The following RANBP2 variants were observed in gnomAD, a reference collection of about 807,000 sequenced individuals.
RANBP2 encodes the protein RAN binding protein 2.
Under a neutral mutation model 303.6 loss-of-function variants are expected in RANBP2, and 57 were observed. That is an observed-to-expected ratio of 0.19 (90% CI 0.15 to 0.23). The LOEUF (loss-of-function observed/expected upper bound fraction) is 0.23. Among genes scored for constraint, RANBP2 ranks in the 10% least tolerant of loss-of-function variants. The pLI, the probability that RANBP2 is intolerant of heterozygous loss-of-function variation, is 1.00. For missense variants in RANBP2, 3,138 were observed against 3,780.8 expected, an observed-to-expected ratio of 0.83 and a Z score of 4.46; for synonymous variants, 1,167 against 1,301.5, an observed-to-expected ratio of 0.90 and a Z score of 2.23.
chr2:109,257,067 G>C, the RANBP2 span, among the ~76,000 whole-genome samples: 27 of 152,250 alleles, frequency 1.8e-4, no homozygotes, highest in Middle Eastern at 3.4e-3. Context: ...GTCATGTAGG[G>C]GCACCGTGTA....
At chr2:109,427,576 G>C in the RANBP2 span, among the ~76,000 whole-genome samples, 4 of 152,172 alleles carry the variant, frequency 2.6e-5, no homozygotes, top group African/African-American at 9.7e-5. Context: ...CACTGGCCCA[G>C]GTTCACACTT....
At chr2:109,235,254 A>G in the RANBP2 span, among the ~76,000 whole-genome samples, 2 of 152,184 alleles carry the variant, frequency 1.3e-5, no homozygotes, top group Non-Finnish European at 2.9e-5. Context: ...TAGTTCTGGG[A>G]GGACTGGTTG....
chr2:108,776,292 T>G (rs569079902), intron 24 of RANBP2, among the ~76,000 whole-genome samples: 1 of 152,306 alleles, frequency 6.6e-6, no homozygotes, highest in East Asian at 1.9e-4. Context: ...TCAAAGTGTT[T>G]TAATTATGAA....
At chr2:109,139,588 GA>G in the RANBP2 span, among the ~76,000 whole-genome samples, 1 of 152,166 alleles carries the variant, frequency 6.6e-6, no homozygotes, top group Non-Finnish European at 1.5e-5. Context: ...GTTCCTTATG[GA>G]ATTGGGAGTG....
the RANBP2 span, among the ~76,000 whole-genome samples, chr2:109,235,847 C>A: frequency 1.3e-5 from 2 of 152,226 alleles, no homozygotes; most frequent in African/African-American, 4.8e-5. Flanking sequence ...ACATGCTTGA[C>A]TGATAAAACC....
chr2:108,767,970 A>C lies in RANBP2; in HGVS notation c.7431A>C (p.Arg2477Ser). The C allele has an allele frequency of 1.2e-6, 2 of 1,611,974 alleles. No individual in the cohort carries two copies. The highest frequency in any genetic ancestry group is 1.7e-6 in the Non-Finnish European group (2 of 1,179,852). Residue 2477 changes from arginine to serine, a missense_variant, in exon 20 of 29, where the codon AGA (arginine) becomes AGC (serine). Transcript: ENST00000283195. Reference sequence around the variant, plus strand: ...TAGCTGTATTAGAAGAAACCACAAGAGAGAGGACAGATGTTATTCAGGGTG... The same window carrying C: ...TAGCTGTATTAGAAGAAACCACAAGCGAGAGGACAGATGTTATTCAGGGTG... Reference protein sequence around the residue: ...IAVAVLEETTRERTDVIQGDD... With the variant: ...IAVAVLEETTSERTDVIQGDD...
the RANBP2 span, among the ~76,000 whole-genome samples, chr2:109,498,957 G>A: frequency 1.1e-4 from 16 of 152,222 alleles, no homozygotes; most frequent in Non-Finnish European, 2.2e-4. Context: ...CAGAGCTGGT[G>A]GAGTGGGAAG....
chr2:109,048,021 G>A, the RANBP2 span, among the ~76,000 whole-genome samples: 2 of 152,168 alleles, frequency 1.3e-5, no homozygotes, highest in African/African-American at 2.4e-5. Flanking sequence ...TCCTCCTGCC[G>A]TTACTTCTGA....
the RANBP2 span, among the ~76,000 whole-genome samples, chr2:109,506,836 ACTG>A: frequency 1.3e-5 from 2 of 152,072 alleles, no homozygotes; most frequent in African/African-American, 4.8e-5. Flanking sequence ...ATGAGGTGGG[ACTG>A]CTATCATATT....
chr2:109,143,161 A>G, the RANBP2 span, among the ~76,000 whole-genome samples: 5 of 152,206 alleles, frequency 3.3e-5, no homozygotes, highest in Non-Finnish European at 7.3e-5. Context: ...TTTTCATTTA[A>G]TGGTCCATTC....
chr2:109,150,179 A>C, the RANBP2 span, among the ~76,000 whole-genome samples: 1 of 152,176 alleles, frequency 6.6e-6, no homozygotes, highest in African/African-American at 2.4e-5. Flanking sequence ...ATCCTGCCAG[A>C]TCTGCACCTG....
chr2:109,731,106 G>A, the RANBP2 span, among the ~76,000 whole-genome samples: 1 of 151,930 alleles, frequency 6.6e-6, no homozygotes, highest in East Asian at 1.9e-4. Context: ...TCTTTTATAA[G>A]GGCAGTAATC....
chr2:109,449,241 C>G, the RANBP2 span: 21 of 1,612,970 alleles, frequency 1.3e-5, no homozygotes, highest in Non-Finnish European at 1.6e-5. Context: ...CCAGAACTCT[C>G]CATCCCGCCT....
chr2:109,605,722 A>G, the RANBP2 span: 1 of 152,226 alleles, frequency 6.6e-6, no homozygotes, highest in Non-Finnish European at 1.5e-5. Flanking sequence ...ATAATGCTGT[A>G]TTAGGTTCTT....
the RANBP2 span, among the ~76,000 whole-genome samples, chr2:109,448,207 T>G: frequency 2.5e-4 from 38 of 152,348 alleles, no homozygotes; most frequent in African/African-American, 8.9e-4. Context: ...TCTTGAGGCT[T>G]CACTGAGATG....
At chr2:108,756,676 A>G (rs1321251980) in intron 17 of RANBP2, among the ~76,000 whole-genome samples, 1 of 152,230 alleles carries the variant, frequency 6.6e-6, no homozygotes, top group Non-Finnish European at 1.5e-5. Flanking sequence ...ATCGTGGAGC[A>G]CTAATCCATG....
At chr2:109,562,877 G>A in the RANBP2 span, among the ~76,000 whole-genome samples, 1 of 151,958 alleles carries the variant, frequency 6.6e-6, no homozygotes, top group East Asian at 1.9e-4. Flanking sequence ...TCCTATGCCT[G>A]AATTTGGTGA....
the RANBP2 span, among the ~76,000 whole-genome samples, chr2:109,030,313 C>T: frequency 6.6e-6 from 1 of 152,248 alleles, no homozygotes; most frequent in South Asian, 2.1e-4. Context: ...TCTCCTCTAG[C>T]CAAATTATGG....
At chr2:109,301,373 G>T in the RANBP2 span, among the ~76,000 whole-genome samples, 1 of 151,840 alleles carries the variant, frequency 6.6e-6, no homozygotes, top group Non-Finnish European at 1.5e-5. Context: ...TTTTGTGTGT[G>T]GTGGGGGGAC....
Sources: allele counts gnomAD v4.1 joint callset (sites outside exome capture counted in the v4.1 genomes callset), GRCh38; gene constraint gnomAD v4.1.1; transcripts MANE v1.5; gene names NCBI Gene and HGNC (gene_info 2026-07-23, HGNC 2026-07-21).